Variants in TTLL5 observed in about 807,000 individuals in gnomAD.
TTLL5 encodes tubulin tyrosine ligase like 5.
Under a neutral mutation model 168.4 loss-of-function variants are expected in TTLL5, and 132 were observed. The observed-to-expected ratio is 0.78, with a 90% confidence interval of 0.68 to 0.91. The LOEUF is 0.91. Among genes scored for constraint, TTLL5 ranks in the 40% least tolerant of loss-of-function variants. The probability of loss-of-function intolerance (pLI) is 0.00; values close to 1 mark genes in which losing one functional copy is unlikely to be tolerated. For synonymous variants in TTLL5, 546 were observed against 558.6 expected, an observed-to-expected ratio of 0.98 and a Z score of 0.32; for missense variants, 1,545 against 1,581.5, an observed-to-expected ratio of 0.98 and a Z score of 0.39.
chr14:75,793,628 G>A (rs767165725), intron 27 of TTLL5, among the ~76,000 whole-genome samples: 1 of 152,184 alleles, frequency 6.6e-6, no homozygotes, highest in Non-Finnish European at 1.5e-5. Context: ...TGAAATAAGT[G>A]ATGTGATCAA....
chr14:75,849,228 CTTA>C (rs1046334737), intron 28 of TTLL5, among the ~76,000 whole-genome samples: 22 of 152,344 alleles, frequency 1.4e-4, no homozygotes, highest in African/African-American at 5.1e-4. Context: ...TGTATCTCTG[CTTA>C]TTGAGTGGCT....
intron 29 of TTLL5, among the ~76,000 whole-genome samples, chr14:75,872,003 G>A (rs1424797199): frequency 2.0e-5 from 3 of 152,140 alleles, no homozygotes; most frequent in Non-Finnish European, 2.9e-5. Flanking sequence ...TTAGGAGAAC[G>A]GGGCCCTGAT....
In TTLL5 at chr14:75,673,363, C is replaced by G. The variant is rs1042933381; in HGVS notation, c.181+3841C>G. Among the ~76,000 whole-genome samples the G allele has an allele frequency of 2.6e-5, 4 of 152,164 alleles. No homozygotes were observed. In the South Asian group the frequency reaches 8.3e-4, roughly 32 times the overall value. On this transcript the variant is annotated intron_variant, in intron 3 of 31. Transcript: ENST00000298832. Reference sequence around the variant, plus strand: ...ATCTCTGCTCCTCTTGGATTTTAAGCAGTGCTCTGAGCCCTGGTGTTAGTC... The same window carrying G: ...ATCTCTGCTCCTCTTGGATTTTAAGGAGTGCTCTGAGCCCTGGTGTTAGTC...
chr14:75,865,889 C>T (rs1367130587), intron 29 of TTLL5, among the ~76,000 whole-genome samples: 1 of 152,174 alleles, frequency 6.6e-6, no homozygotes, highest in Non-Finnish European at 1.5e-5. Flanking sequence ...GGAGTTATCT[C>T]GTTCTCCTGG....
At chr14:75,850,710 C>G (rs1896797449) in intron 28 of TTLL5, among the ~76,000 whole-genome samples, 1 of 152,072 alleles carries the variant, frequency 6.6e-6, no homozygotes. Context: ...GAATCTAATT[C>G]ATGGAATTTA....
At chr14:75,781,771 A>G (rs1892065822) in intron 24 of TTLL5, among the ~76,000 whole-genome samples, 1 of 152,120 alleles carries the variant, frequency 6.6e-6, no homozygotes, top group African/African-American at 2.4e-5. Flanking sequence ...CCTGGTCAAC[A>G]TGGTGAAAGC....
At chr14:75,773,996 A>AGAGC (rs1891560845) in intron 21 of TTLL5, among the ~76,000 whole-genome samples, 3 of 141,064 alleles carry the variant, frequency 2.1e-5, no homozygotes, top group Non-Finnish European at 3.1e-5. Flanking sequence ...AGAGAGAGAG[A>AGAGC]GAGCGAGAGT....
chr14:75,851,095 CAA>C (rs35393032), intron 28 of TTLL5, among the ~76,000 whole-genome samples: 2 of 95,924 alleles, frequency 2.1e-5, no homozygotes, highest in African/African-American at 4.2e-5. Flanking sequence ...GACCTTGTCT[CAA>C]AAAAAAAAAA....
intron 31 of TTLL5, among the ~76,000 whole-genome samples, chr14:75,923,225 T>C (rs1376095980): frequency 6.6e-6 from 1 of 152,218 alleles, no homozygotes; most frequent in African/African-American, 2.4e-5. Context: ...TCTGCTCTGA[T>C]GTTAGTTATT....
intron 8 of TTLL5, 121 bp downstream of exon 8, chr14:75,707,208 C>A: frequency 1.3e-6 from 1 of 757,408 alleles, no homozygotes; most frequent in Non-Finnish European, 2.2e-6. Context: ...ACATGTGTGG[C>A]TCCAGAAAGG....
chr14:75,757,057 A>C (rs1890312324), intron 18 of TTLL5, among the ~76,000 whole-genome samples: 1 of 151,616 alleles, frequency 6.6e-6, no homozygotes, highest in African/African-American at 2.4e-5. Context: ...GGCTCACTGC[A>C]ACCTCCGCCT....
At chr14:75,720,287 G>C (rs1297800262) in intron 11 of TTLL5, among the ~76,000 whole-genome samples, 1 of 152,028 alleles carries the variant, frequency 6.6e-6, no homozygotes, top group Non-Finnish European at 1.5e-5. Flanking sequence ...TGCCAAAAAA[G>C]ACTTTTCATT....
chr14:75,844,657 T>G (rs929538650), intron 28 of TTLL5, among the ~76,000 whole-genome samples: 2 of 152,196 alleles, frequency 1.3e-5, no homozygotes, highest in Non-Finnish European at 2.9e-5. Flanking sequence ...AAGAGCTCAG[T>G]TGGGAGTCTG....
In TTLL5 at chr14:75,954,486, G is replaced by T. The variant is rs766006023; in HGVS notation, c.*40G>T. On this transcript the variant is annotated 3_prime_UTR_variant, in exon 32 of 32. Transcript: ENST00000298832. The stretch of plus-strand genomic sequence containing the variant: ...GAGAAACAACCTGTTCACCACTCCT[G>T]GGTGCATGATTGAGGGTGAAGCATC... The T allele has an allele frequency of 3.5e-5, 57 of 1,610,862 alleles. No homozygotes were observed. Among genetic ancestry groups the T allele is most frequent in the Admixed American group, 1.3e-4 (8 of 59,994 alleles).
intron 31 of TTLL5, among the ~76,000 whole-genome samples, chr14:75,928,087 A>G (rs1032991182): frequency 6.6e-6 from 1 of 151,898 alleles, no homozygotes; most frequent in African/African-American, 2.4e-5. Flanking sequence ...GTTCGTTTCC[A>G]TGGAGCACCA....
Position 75,906,534 on chromosome 14 carries a change from A to G in TTLL5, c.3823+4310A>G, listed in dbSNP as rs559198405. 7.7e-4 allele frequency: 762 copies of G among 985,708 alleles called. 17 individuals carry two copies. In the South Asian group the frequency reaches 0.032, roughly 42 times the overall value. 61.1% of individuals were successfully genotyped at this position (985,708 alleles called of 1,614,324 possible). The stretch of plus-strand genomic sequence containing the variant: ...AAATCAAATGTAGTGTTAAGTAGAG[A>G]TACTTTTTTCCATTTTTCAGGATCT... On this transcript the variant is annotated intron_variant, in intron 31 of 31. Coordinates refer to ENST00000298832, the MANE Select transcript of TTLL5 (RefSeq NM_015072.5).
chr14:75,952,861 T>C (rs1327199023), intron 31 of TTLL5, among the ~76,000 whole-genome samples: 1 of 152,104 alleles, frequency 6.6e-6, no homozygotes, highest in South Asian at 2.1e-4. Flanking sequence ...AGCTGAGGGA[T>C]GAGAGATGTA....
At chr14:75,736,841 G>T (rs1566581773) in intron 15 of TTLL5, among the ~76,000 whole-genome samples, 1 of 152,122 alleles carries the variant, frequency 6.6e-6, no homozygotes, top group Non-Finnish European at 1.5e-5. Context: ...AGTTACCAGG[G>T]TTGTACTTGA....
intron 28 of TTLL5, among the ~76,000 whole-genome samples, chr14:75,860,996 C>G (rs1352446028): frequency 1.3e-5 from 2 of 152,190 alleles, no homozygotes; most frequent in African/African-American, 4.8e-5. Context: ...CCATGTTTCT[C>G]CATACGTCTA....
Sources: allele counts gnomAD v4.1 joint callset (sites outside exome capture counted in the v4.1 genomes callset), GRCh38; gene constraint gnomAD v4.1.1; transcripts MANE v1.5; gene names NCBI Gene and HGNC (gene_info 2026-07-23, HGNC 2026-07-21).